MAP3K5: variants seen among roughly 807,000 people sequenced by gnomAD.
The protein encoded by MAP3K5 is mitogen-activated protein kinase kinase kinase 5.
MAP3K5 carries 56 observed loss-of-function variants against 158.7 expected under a neutral mutation model. The observed-to-expected ratio is 0.35, with a 90% CI of 0.28 to 0.44. The LOEUF is 0.44. MAP3K5 is among the 20% of genes least tolerant of loss of function. The pLI is 1.00. For missense variants in MAP3K5, 1,294 were observed against 1,674.8 expected (o/e 0.77, Z 3.97); for synonymous variants, 579 against 601.7 (o/e 0.96, Z 0.55).
chr6:136,765,826 G>C (rs1257481999), intron 1 of MAP3K5, among the ~76,000 whole-genome samples: 1 of 151,716 alleles, frequency 6.6e-6, no homozygotes, highest in African/African-American at 2.4e-5. Context: ...CACTTTGCCC[G>C]GCAGTAACTG....
intron 8 of MAP3K5, among the ~76,000 whole-genome samples, chr6:136,668,407 G>A (rs2114518650): frequency 6.6e-6 from 1 of 151,972 alleles, no homozygotes; most frequent in Non-Finnish European, 1.5e-5. Context: ...CTTTTATTTT[G>A]AAGAAAAAGT....
intron 11 of MAP3K5, among the ~76,000 whole-genome samples, chr6:136,644,985 G>T (rs1244422927): frequency 6.6e-6 from 1 of 152,188 alleles, no homozygotes; most frequent in Non-Finnish European, 1.5e-5. Flanking sequence ...CTGGAGTGTA[G>T]TGGGGTAATC....
At chr6:136,646,859 T>A (rs1778282958) in intron 11 of MAP3K5, among the ~76,000 whole-genome samples, 1 of 152,222 alleles carries the variant, frequency 6.6e-6, no homozygotes, top group Non-Finnish European at 1.5e-5. Context: ...TTCCCAATTT[T>A]GCCACTGGAT....
chr6:136,718,487 C>A (rs1296173286), intron 2 of MAP3K5, among the ~76,000 whole-genome samples: 1 of 152,176 alleles, frequency 6.6e-6, no homozygotes, highest in African/African-American at 2.4e-5. Flanking sequence ...CCACACCCAG[C>A]CTCTCCTTTA....
intron 14 of MAP3K5, among the ~76,000 whole-genome samples, chr6:136,636,196 G>C (rs117144186): frequency 3.3e-5 from 5 of 152,092 alleles, no homozygotes; most frequent in African/African-American, 1.2e-4. Flanking sequence ...CTTGAAGGCA[G>C]AGCAGGGTAA....
rs1001776147 is a variant in MAP3K5, at chr6:136,733,073, C to G, written c.449-12484G>C. On this transcript the variant is annotated intron_variant, in intron 1 of 29. Transcript: ENST00000359015. ...GAAGTACAGTGGCATAATCACGGCTCACTGCATCCTCGACCTCCTGGGCTC... is the reference window on the plus strand; with the variant it reads ...GAAGTACAGTGGCATAATCACGGCTGACTGCATCCTCGACCTCCTGGGCTC... Among the ~76,000 whole-genome samples the G allele has an allele frequency of 3.3e-5, 5 of 152,184 alleles. No homozygotes were observed. In the East Asian group the frequency reaches 9.6e-4, roughly 29 times the overall value.
intron 21 of MAP3K5, chr6:136,592,880 A>G (rs1261037404): frequency 9.4e-6 from 5 of 533,492 alleles, no homozygotes; most frequent in Non-Finnish European, 3.6e-6. Flanking sequence ...GCCCAAGTTC[A>G]GTGGGTCTAC....
At chr6:136,739,866 G>T (rs1782637305) in intron 1 of MAP3K5, among the ~76,000 whole-genome samples, 2 of 152,164 alleles carry the variant, frequency 1.3e-5, no homozygotes, top group African/African-American at 4.8e-5. Flanking sequence ...TCATTCTCAA[G>T]TGTCCTGGTT....
At chr6:136,685,190 C>T (rs534659860) in intron 7 of MAP3K5, among the ~76,000 whole-genome samples, 60 of 151,996 alleles carry the variant, frequency 3.9e-4, no homozygotes, top group Middle Eastern at 3.4e-3. Flanking sequence ...TGGTGGCACG[C>T]GCCTGTAGTC....
In MAP3K5 at chr6:136,650,914, T is replaced by C. The variant is rs1441269160; in HGVS notation, c.1788+70A>G. ...TAACTAACACAGACATTTGCTGGAG[T>C]ATGTAAATGCTAGAAGGGTGTAAAG... On this transcript the variant is annotated intron_variant, in intron 11 of 29. Coordinates refer to ENST00000359015, the MANE Select transcript of MAP3K5 (RefSeq NM_005923.4). 9 of 855,644 alleles carry C rather than the reference T, an allele frequency of 1.1e-5. No individual in the cohort carries two copies. In the East Asian group the frequency reaches 1.9e-4, roughly 18 times the overall value. 53.0% of individuals were successfully genotyped at this position (855,644 alleles called of 1,614,324 possible).
intron 7 of MAP3K5, among the ~76,000 whole-genome samples, chr6:136,672,552 CA>C (rs1314617407): frequency 6.6e-6 from 1 of 152,160 alleles, no homozygotes; most frequent in Non-Finnish European, 1.5e-5. Context: ...GTTTTCTTCA[CA>C]GGACATTCGT....
At chr6:136,779,442 CAAAAA>C (rs35110376) in intron 1 of MAP3K5, among the ~76,000 whole-genome samples, 3 of 101,048 alleles carry the variant, frequency 3.0e-5, no homozygotes, top group Non-Finnish European at 1.9e-5. Flanking sequence ...CACCCTGTCT[CAAAAA>C]AAAAAAAAAA....
chr6:136,687,703 A>G (rs1181621128), intron 7 of MAP3K5, among the ~76,000 whole-genome samples: 1 of 152,224 alleles, frequency 6.6e-6, no homozygotes, highest in African/African-American at 2.4e-5. Context: ...ACAAAACGCC[A>G]ATCAAAACCA....
rs897362577 is a variant in MAP3K5 at position 136,562,538 on chromosome 6, T to C, written c.3839A>G (p.Glu1280Gly). The change falls in exon 27 of 30, where the codon GAA becomes GGA. Residue 1280 changes from glutamate (E) to glycine (G), a missense_variant. By Grantham distance (98) the Glu-to-Gly change is moderately conservative (BLOSUM62 -2). Around this residue, in one of 5 missense-constraint regions of MAP3K5, gnomAD observed 199 missense variants for 220.3 expected, o/e 0.90. Coordinates refer to ENST00000359015, the MANE Select transcript of MAP3K5 (RefSeq NM_005923.4). ...GGACTTAAGCTTCAGGTGTTTAATT[T>C]CTTGGTCTTTTTCTTCAATAGCTCG... The part of the protein sequence containing the change: ...LHRAIEEKDQ[E>G]IKHLKLKSQP... 1.0e-5 allele frequency: 16 copies of C among 1,603,146 alleles called. No homozygotes were observed. The highest frequency in any genetic ancestry group is 1.4e-5 in the Non-Finnish European group (16 of 1,174,612).
chr6:136,558,171 G>A (rs895754477), intron 29 of MAP3K5, among the ~76,000 whole-genome samples: 5 of 152,180 alleles, frequency 3.3e-5, no homozygotes, highest in African/African-American at 1.2e-4. Flanking sequence ...GTGGTCAGGA[G>A]ATCGAGACCA....
intron 23 of MAP3K5, among the ~76,000 whole-genome samples, chr6:136,585,961 T>C (rs1299744786): frequency 6.6e-6 from 1 of 152,208 alleles, no homozygotes; most frequent in Non-Finnish European, 1.5e-5. Context: ...ATTCCTCCAC[T>C]GGGCTGTGAA....
At chr6:136,682,703 C>G (rs976571515) in intron 7 of MAP3K5, among the ~76,000 whole-genome samples, 1 of 152,154 alleles carries the variant, frequency 6.6e-6, no homozygotes, top group Non-Finnish European at 1.5e-5. Context: ...TATGCTAATA[C>G]AGTACAAGCA....
intron 1 of MAP3K5, among the ~76,000 whole-genome samples, chr6:136,784,555 T>G (rs1784760132): frequency 6.6e-6 from 1 of 151,954 alleles, no homozygotes; most frequent in Non-Finnish European, 1.5e-5. Context: ...CTAACTAGAG[T>G]TTTCCCTTAT....
chr6:136,768,199 G>A (rs1784039814), intron 1 of MAP3K5, among the ~76,000 whole-genome samples: 1 of 152,090 alleles, frequency 6.6e-6, no homozygotes. Flanking sequence ...AGAAAAAACA[G>A]ATAAATACGG....
Sources: allele counts gnomAD v4.1 joint callset (sites outside exome capture counted in the v4.1 genomes callset), GRCh38; gene constraint gnomAD v4.1.1; regional missense constraint gnomAD v4.1.1; transcripts MANE v1.5; gene names NCBI Gene and HGNC (gene_info 2026-07-23, HGNC 2026-07-21).